COL28A1: variants seen among roughly 807,000 people sequenced by gnomAD.
The protein encoded by COL28A1 is collagen alpha-1(XXVIII) chain.
Under a neutral mutation model 150.2 loss-of-function variants are expected in COL28A1, and 161 were observed. That is an observed-to-expected ratio of 1.07 (90% CI 0.94 to 1.22). The LOEUF is 1.22. Ranked by LOEUF, COL28A1 falls within the 50% of genes most tolerant of loss-of-function variation. The pLI is 0.00. For missense variants in COL28A1, 1,617 were observed against 1,388.3 expected, an observed-to-expected ratio of 1.16 and a Z score of -2.62; for synonymous variants, 552 against 469.7, an observed-to-expected ratio of 1.18 and a Z score of -2.26.
At chr7:7,365,408 A>G (rs1310301817) in intron 33 of COL28A1, among the ~76,000 whole-genome samples, 1 of 152,130 alleles carries the variant, frequency 6.6e-6, no homozygotes, top group African/African-American at 2.4e-5. Flanking sequence ...GGGACACCTG[A>G]GAGCCGACAC....
chr7:7,455,888 C>CTT (rs1274668500), intron 16 of COL28A1, among the ~76,000 whole-genome samples, 156 bp downstream of exon 16: 1 of 152,138 alleles, frequency 6.6e-6, no homozygotes, highest in Non-Finnish European at 1.5e-5. Context: ...CTCATGAAAC[C>CTT]ATCTTATCCT....
intron 25 of COL28A1, among the ~76,000 whole-genome samples, chr7:7,424,704 C>G (rs530220840): frequency 1.4e-4 from 21 of 152,104 alleles, no homozygotes; most frequent in Non-Finnish European, 1.8e-4. Context: ...CCCCTAACCC[C>G]TGCACCCACT....
downstream of COL28A1, chr7:7,356,807 GT>G (rs977108914): frequency 1.3e-5 from 2 of 151,894 alleles, no homozygotes; most frequent in African/African-American, 4.8e-5. Flanking sequence ...TAACAAACCT[GT>G]ACTTTGTGCA....
intron 25 of COL28A1, among the ~76,000 whole-genome samples, chr7:7,428,426 T>C (rs1421269110): frequency 6.6e-6 from 1 of 152,208 alleles, no homozygotes; most frequent in Non-Finnish European, 1.5e-5. Flanking sequence ...ATATTCCTTT[T>C]CTATGAGGCC....
At chr7:7,505,170 TC>T (rs1380988629) in intron 11 of COL28A1, among the ~76,000 whole-genome samples, 5 of 152,136 alleles carry the variant, frequency 3.3e-5, no homozygotes, top group Non-Finnish European at 7.4e-5. Flanking sequence ...TCACTCTCTT[TC>T]CTCTCTCTCA....
intron 23 of COL28A1, among the ~76,000 whole-genome samples, chr7:7,433,646 AAAAAAAAAAAGATTACCTACAAGTCCATT>A (rs1785139373): frequency 1.3e-5 from 2 of 150,904 alleles, no homozygotes; most frequent in Non-Finnish European, 3.0e-5. Flanking sequence ...TTAAAAAAAA[AAAAAAAAAAAGATTACCTACAAGTCCATT>A]ACACTTTTAT....
chr7:7,500,860 G>T (rs1267022974), intron 11 of COL28A1, among the ~76,000 whole-genome samples: 2 of 152,130 alleles, frequency 1.3e-5, no homozygotes, highest in East Asian at 3.9e-4. Flanking sequence ...CGGAAAAGTA[G>T]GGTATCCAAA....
At chr7:7,496,482 T>C (rs1461847453) in intron 11 of COL28A1, among the ~76,000 whole-genome samples, 1 of 152,226 alleles carries the variant, frequency 6.6e-6, no homozygotes, top group African/African-American at 2.4e-5. Context: ...CAACTGTATA[T>C]AAATTACATA....
intron 3 of COL28A1, among the ~76,000 whole-genome samples, chr7:7,528,361 T>C (rs1782147008): frequency 6.6e-6 from 1 of 152,180 alleles, no homozygotes; most frequent in South Asian, 2.1e-4. Context: ...AAAAATATAT[T>C]ACATGTCTTC....
At chr7:7,487,309 G>A (rs1254972100) in intron 13 of COL28A1, among the ~76,000 whole-genome samples, 1 of 152,128 alleles carries the variant, frequency 6.6e-6, no homozygotes, top group Non-Finnish European at 1.5e-5. Context: ...GGGGCACAGT[G>A]GCTCACGCTT....
rs1406474448 is a variant in COL28A1 at position 7,357,944 on chromosome 7, T to C, written c.*689A>G. 6.6e-6 allele frequency: 1 copy of C among 152,158 alleles called. No individual in the cohort carries two copies. The highest frequency in any genetic ancestry group is 2.4e-5 in the African/African-American group (1 of 41,404). 9.4% of individuals were successfully genotyped at this position (152,158 alleles called of 1,614,324 possible). ...GGAAGGGCCCACTGACATATTTTAA[T>C]GGAAGGGTATAAAAACCTTCTTTGT... On this transcript the variant is annotated 3_prime_UTR_variant, in exon 35 of 35. Transcript: ENST00000399429.
intron 30 of COL28A1, among the ~76,000 whole-genome samples, chr7:7,380,081 C>T (rs1483002197): frequency 6.6e-6 from 1 of 152,008 alleles, no homozygotes; most frequent in East Asian, 1.9e-4. Flanking sequence ...GACAGATTGC[C>T]TTCAAAGCAG....
intron 23 of COL28A1, among the ~76,000 whole-genome samples, chr7:7,434,674 C>G (rs529210628): frequency 3.9e-5 from 6 of 152,208 alleles, no homozygotes; most frequent in African/African-American, 1.4e-4. Context: ...TGTCCTTGCT[C>G]CTGCAAAAAT....
chr7:7,378,590 C>T (rs982204315), intron 30 of COL28A1, among the ~76,000 whole-genome samples: 3 of 152,162 alleles, frequency 2.0e-5, no homozygotes, highest in African/African-American at 7.2e-5. Context: ...TTGGGGGATA[C>T]ATTCGATCAC....
Position 7,422,339 on chromosome 7 carries a change from G to A in COL28A1, c.1999-2386C>T, listed in dbSNP as rs999637393. Among the ~76,000 whole-genome samples, 4 of 152,224 alleles carry A rather than the reference G, an allele frequency of 2.6e-5. No homozygotes were observed. In the South Asian group the frequency reaches 6.2e-4, roughly 24 times the overall value. On this transcript the variant is annotated intron_variant, in intron 25 of 34. Transcript: ENST00000399429. ...AAGATGAGGTGAAAAGGTTAGGAAG[G>A]ATATGGCCAGGTTGGGCGCAGTGGC...
chr7:7,349,849 G>C, the COL28A1 span, among the ~76,000 whole-genome samples: 1 of 152,122 alleles, frequency 6.6e-6, no homozygotes, highest in Non-Finnish European at 1.5e-5. Context: ...GAAAATGCGA[G>C]GTAGGGAGAG....
chr7:7,509,580 T>G (rs533435848), intron 9 of COL28A1, among the ~76,000 whole-genome samples: 32 of 152,216 alleles, frequency 2.1e-4, no homozygotes, highest in Non-Finnish European at 3.2e-4. Flanking sequence ...TTTATATCTC[T>G]GACATTGGGG....
At chr7:7,339,094 A>C in the COL28A1 span, among the ~76,000 whole-genome samples, 5 of 152,162 alleles carry the variant, frequency 3.3e-5, no homozygotes, top group African/African-American at 1.2e-4. Flanking sequence ...ACTGACAGAA[A>C]CAACCAACTC....
At chr7:7,407,597 G>T (rs998685434) in intron 27 of COL28A1, among the ~76,000 whole-genome samples, 1 of 151,816 alleles carries the variant, frequency 6.6e-6, no homozygotes, top group African/African-American at 2.4e-5. Flanking sequence ...TATCTTTTAA[G>T]AAGATATTAA....
Sources: allele counts gnomAD v4.1 joint callset (sites outside exome capture counted in the v4.1 genomes callset), GRCh38; gene constraint gnomAD v4.1.1; transcripts MANE v1.5; gene names NCBI Gene and HGNC (gene_info 2026-07-23, HGNC 2026-07-21).